SYT17: variants seen among roughly 807,000 people sequenced by gnomAD.
SYT17 encodes the protein synaptotagmin-17.
Under a neutral mutation model 46.7 loss-of-function variants are expected in SYT17, and 22 were observed. The observed-to-expected ratio is 0.47, with a 90% CI of 0.34 to 0.67. The LOEUF (loss-of-function observed/expected upper bound fraction) is 0.67, where lower values mean the gene tolerates loss of function less well. SYT17 is among the 30% of genes least tolerant of loss of function. The probability of loss-of-function intolerance (pLI) is 0.01; values close to 1 mark genes in which losing one functional copy is unlikely to be tolerated. For synonymous variants in SYT17, 251 were observed against 248.4 expected (o/e 1.01, Z -0.10); for missense variants, 519 against 612.8 (o/e 0.85, Z 1.62).
chr16:19,241,546 C>T lies in SYT17; in HGVS notation c.1228+16708C>T, dbSNP rs144943494. Among the ~76,000 whole-genome samples, 1,040 of 152,260 alleles carry T rather than the reference C, an allele frequency of 6.8e-3. 12 individuals are homozygous for T. Among genetic ancestry groups the T allele is most frequent in the African/African-American group, 0.022 (935 of 41,556 alleles). ...GGCCGTACCTCCTGGCAGCCTGGGG[C>T]GGGGGCCCAGGTCCTCACTGGGTCG... On this transcript the variant is annotated intron_variant, in intron 7 of 7. Transcript: ENST00000355377.
At chr16:19,219,693 C>T (rs1202591272) in intron 5 of SYT17, among the ~76,000 whole-genome samples, 1 of 152,160 alleles carries the variant, frequency 6.6e-6, no homozygotes, top group Non-Finnish European at 1.5e-5. Flanking sequence ...ATTTTTCTTC[C>T]TAATACTTAG....
intron 7 of SYT17, among the ~76,000 whole-genome samples, chr16:19,228,475 C>G (rs1166164790): frequency 6.6e-6 from 1 of 152,194 alleles, no homozygotes; most frequent in Non-Finnish European, 1.5e-5. Context: ...CTGGCTGTAC[C>G]TTAGAATTAC....
chr16:19,249,713 G>A (rs1348860850), intron 7 of SYT17, among the ~76,000 whole-genome samples: 2 of 152,198 alleles, frequency 1.3e-5, no homozygotes, highest in East Asian at 1.9e-4. Flanking sequence ...GTGCTCATTG[G>A]TACAAAGGAC....
intron 5 of SYT17, among the ~76,000 whole-genome samples, chr16:19,210,261 G>A (rs8061327): frequency 0.011 from 1,705 of 151,902 alleles, 20 homozygotes; most frequent in African/African-American, 0.025. Context: ...TAATTGAGAC[G>A]GAGTCTTGCT....
rs549519415 is a variant in SYT17 at position 19,256,819 on chromosome 16, C to A, written c.1229-10061C>A. ...TCTTGAATTCCTGGGCTCAAGCGAT[C>A]CTCCCACCTTGGCCTCTCGAAGTGC... On this transcript the variant is annotated intron_variant, in intron 7 of 7. Transcript: ENST00000355377. Among the ~76,000 whole-genome samples, 4 of 152,184 alleles carry A rather than the reference C, an allele frequency of 2.6e-5. No individual in the cohort carries two copies. In the East Asian group the frequency reaches 7.7e-4, roughly 29 times the overall value.
At position 19,183,607 on chromosome 16, in the gene SYT17, G is replaced by A; in HGVS notation, c.411G>A (p.Glu137=). 6.2e-7 allele frequency: 1 copy of A among 1,614,160 alleles called. No homozygotes were observed. The highest frequency in any genetic ancestry group is 1.3e-5 in the African/African-American group (1 of 75,058). ...IEFGVLSAKK[E]PIQPSVLRRT... Reference sequence around the variant, plus strand: ...TTGGCGTTCTCAGCGCCAAGAAGGAGCCCATCCAACCTTCGGTGCTCAGAC... The same window carrying A: ...TTGGCGTTCTCAGCGCCAAGAAGGAACCCATCCAACCTTCGGTGCTCAGAC... Residue 137 remains glutamate (E), a synonymous_variant, in exon 5 of 8, where the codon GAG becomes GAA. Transcript: ENST00000355377. The surrounding 1 kb of genome is among the most constrained non-coding windows in gnomAD (Gnocchi z 5.6).
intron 6 of SYT17, among the ~76,000 whole-genome samples, chr16:19,223,443 T>C (rs767475784): frequency 6.6e-6 from 1 of 152,210 alleles, no homozygotes; most frequent in African/African-American, 2.4e-5. Flanking sequence ...CAGGTGGCGA[T>C]AGTGTGCATT....
At chr16:19,250,536 T>C (rs571831656) in intron 7 of SYT17, among the ~76,000 whole-genome samples, 2 of 152,146 alleles carry the variant, frequency 1.3e-5, no homozygotes, top group East Asian at 3.9e-4. Context: ...CCCCACTACA[T>C]TCAGCTAATT....
chr16:19,256,206 A>G (rs1968546260), intron 7 of SYT17, among the ~76,000 whole-genome samples: 1 of 152,060 alleles, frequency 6.6e-6, no homozygotes, highest in South Asian at 2.1e-4. Flanking sequence ...TGTATTTTTC[A>G]TAGCAACAGT....
intron 6 of SYT17, among the ~76,000 whole-genome samples, chr16:19,223,826 C>T (rs866680888): frequency 3.3e-5 from 5 of 152,096 alleles, no homozygotes; most frequent in African/African-American, 1.2e-4. Context: ...AAAACAGAGG[C>T]TTAGAAAGGG....
intron 1 of SYT17, chr16:19,171,322 G>GATT (rs1555455110): frequency 0.095 from 6,445 of 68,078 alleles, 211 homozygotes; most frequent in Non-Finnish European, 0.13. Flanking sequence ...TGATGATGAT[G>GATT]ATGATTATGA....
rs1963952698 is a variant in SYT17, at chr16:19,168,515, A to C, written c.-132A>C. The C allele has an allele frequency of 5.4e-6, 7 of 1,294,572 alleles. No homozygotes were observed. Among genetic ancestry groups the C allele is most frequent in the Non-Finnish European group, 6.4e-6 (6 of 939,504 alleles). The allele number at this position is 1,294,572 out of a possible 1,614,324, so 80.2% of individuals were successfully genotyped here. A position where few individuals can be genotyped will look rare whatever the true frequency, so the allele number is the denominator to read the frequency against. ...GCGGGCGCCGCTCATCAGCCACGCC[A>C]GTCACGTCTGGGGCCACCGGCTGCC... On this transcript the variant is annotated 5_prime_UTR_variant, in exon 1 of 8. Transcript: ENST00000355377. This position sits in a 1 kb window ranked among gnomAD's most constrained non-coding sequence, Gnocchi z 6.9.
At chr16:19,248,545 G>A (rs2142992971) in intron 7 of SYT17, among the ~76,000 whole-genome samples, 1 of 152,350 alleles carries the variant, frequency 6.6e-6, no homozygotes, top group African/African-American at 2.4e-5. Context: ...ACTGGGCCGG[G>A]CGTGGTGGCT....
chr16:19,242,857 ATAGTGTGCC>A (rs1460519642), intron 7 of SYT17, among the ~76,000 whole-genome samples: 1 of 152,144 alleles, frequency 6.6e-6, no homozygotes, highest in East Asian at 1.9e-4. Context: ...TTGAACACCC[ATAGTGTGCC>A]TAAGGCTGAT....
chr16:19,241,832 G>C (rs946433469), intron 7 of SYT17, among the ~76,000 whole-genome samples: 3 of 152,216 alleles, frequency 2.0e-5, no homozygotes, highest in African/African-American at 7.2e-5. Flanking sequence ...GGTGGGGACA[G>C]CACAGTTGGC....
chr16:19,234,241 G>A (rs558152605), intron 7 of SYT17, among the ~76,000 whole-genome samples: 11 of 152,086 alleles, frequency 7.2e-5, no homozygotes, highest in African/African-American at 2.4e-4. Flanking sequence ...TGGGAGGATC[G>A]CTTGAACCCA....
At chr16:19,212,568 C>T (rs1416659677) in intron 5 of SYT17, among the ~76,000 whole-genome samples, 3 of 152,134 alleles carry the variant, frequency 2.0e-5, no homozygotes, top group Non-Finnish European at 4.4e-5. Flanking sequence ...CGACAGTGAG[C>T]CAAGATTGTG....
intron 5 of SYT17, among the ~76,000 whole-genome samples, chr16:19,221,587 G>T (rs1344655909): frequency 1.3e-5 from 2 of 152,148 alleles, no homozygotes; most frequent in East Asian, 3.8e-4. Flanking sequence ...AACTCACTCA[G>T]TACAGGAATC....
intron 4 of SYT17, 145 bp downstream of exon 4, chr16:19,180,684 A>C (rs1012843683): frequency 4.0e-5 from 38 of 940,956 alleles, no homozygotes; most frequent in Non-Finnish European, 5.9e-5. Context: ...AGAGAGAGAT[A>C]ATGACGGTGT....
Sources: allele counts gnomAD v4.1 joint callset (sites outside exome capture counted in the v4.1 genomes callset), GRCh38; gene constraint gnomAD v4.1.1; non-coding constraint Gnocchi (gnomAD v3.1); transcripts MANE v1.5; gene names NCBI Gene and HGNC (gene_info 2026-07-23, HGNC 2026-07-21).